Variants in ST6GALNAC5 observed in about 807,000 individuals in gnomAD.
ST6GALNAC5 encodes alpha-N-acetylgalactosaminide alpha-2,6-sialyltransferase 5.
ST6GALNAC5 carries 27 observed loss-of-function variants against 33.6 expected under a neutral mutation model. The observed-to-expected ratio is 0.80, with a 90% confidence interval of 0.59 to 1.11. ST6GALNAC5 has a LOEUF of 1.11. ST6GALNAC5 is among the 50% of genes least tolerant of loss of function. ST6GALNAC5 has a pLI of 0.00. For missense variants in ST6GALNAC5, 428 were observed against 454.0 expected (o/e 0.94, Z 0.52); for synonymous variants, 194 against 171.2 (o/e 1.13, Z -1.04).
intron 2 of ST6GALNAC5, among the ~76,000 whole-genome samples, chr1:76,892,732 C>T (rs1301882425): frequency 6.6e-6 from 1 of 152,210 alleles, no homozygotes; most frequent in Non-Finnish European, 1.5e-5. Flanking sequence ...AATCAACTTT[C>T]CTATATCTGG....
At chr1:76,980,394 G>T (rs897726159) in intron 2 of ST6GALNAC5, among the ~76,000 whole-genome samples, 1 of 152,118 alleles carries the variant, frequency 6.6e-6, no homozygotes, top group African/African-American at 2.4e-5. Context: ...CTTAAAATTT[G>T]TTGAAGTTTT....
chr1:76,975,280 T>C (rs1416836515), intron 2 of ST6GALNAC5, among the ~76,000 whole-genome samples: 1 of 152,218 alleles, frequency 6.6e-6, no homozygotes, highest in Non-Finnish European at 1.5e-5. Flanking sequence ...TGAGTGTTTA[T>C]AAAGAATGGA....
chr1:76,978,041 A>G (rs1298348141), intron 2 of ST6GALNAC5, among the ~76,000 whole-genome samples: 1 of 152,130 alleles, frequency 6.6e-6, no homozygotes, highest in African/African-American at 2.4e-5. Flanking sequence ...GTAATAGCTC[A>G]TAGTAGTTTT....
intron 2 of ST6GALNAC5, among the ~76,000 whole-genome samples, chr1:76,891,849 T>G (rs2100249915): frequency 6.6e-6 from 1 of 152,286 alleles, no homozygotes; most frequent in South Asian, 2.1e-4. Flanking sequence ...TTTCCCCTAT[T>G]CAATTGTCTT....
At chr1:76,962,515 T>C (rs1324347258) in intron 2 of ST6GALNAC5, among the ~76,000 whole-genome samples, 2 of 152,204 alleles carry the variant, frequency 1.3e-5, no homozygotes, top group Non-Finnish European at 2.9e-5. Context: ...AAAGTGCAGA[T>C]TTGGAAAATT....
Position 76,974,871 on chromosome 1 carries a change from C to T in ST6GALNAC5, c.262-69333C>T, listed in dbSNP as rs769637946. On this transcript the variant is annotated intron_variant, in intron 2 of 4. Transcript: ENST00000477717. Reference sequence around the variant, plus strand: ...GATCTCAGCTCACTGCAGCAACTTCCGCCTCCCGGGTTCAAGTTATTCTCC... The same window carrying T: ...GATCTCAGCTCACTGCAGCAACTTCTGCCTCCCGGGTTCAAGTTATTCTCC... Among the ~76,000 whole-genome samples, 8 of 135,964 alleles carry T rather than the reference C, an allele frequency of 5.9e-5. No homozygotes were observed. The East Asian group carries it at 7.0e-4, about 12-fold the overall frequency. 89.2% of individuals were successfully genotyped at this position (135,964 alleles called of 152,430 possible).
chr1:76,900,282 C>A (rs553485658), intron 2 of ST6GALNAC5, among the ~76,000 whole-genome samples: 102 of 152,114 alleles, frequency 6.7e-4, no homozygotes, highest in African/African-American at 2.1e-3. Context: ...ATTTTCACTT[C>A]TTTTGTGGTG....
chr1:76,897,439 G>A (rs1646755319), intron 2 of ST6GALNAC5, among the ~76,000 whole-genome samples: 1 of 152,146 alleles, frequency 6.6e-6, no homozygotes, highest in Non-Finnish European at 1.5e-5. Context: ...GAGTTTATAG[G>A]CTTTAAAAGG....
At chr1:77,053,041 C>A (rs940567181) in intron 4 of ST6GALNAC5, among the ~76,000 whole-genome samples, 1 of 151,908 alleles carries the variant, frequency 6.6e-6, no homozygotes, top group East Asian at 1.9e-4. Context: ...AAGCCACTTA[C>A]CATGTGACTA....
At chr1:76,893,613 T>C (rs1016505724) in intron 2 of ST6GALNAC5, among the ~76,000 whole-genome samples, 2 of 152,172 alleles carry the variant, frequency 1.3e-5, no homozygotes, top group African/African-American at 2.4e-5. Flanking sequence ...TCAGGAAATA[T>C]TAGCCATCAA....
At position 76,887,492 on chromosome 1, in the gene ST6GALNAC5, T is replaced by C. The variant is rs916941390; in HGVS notation, c.261+18750T>C. 3.3e-5 allele frequency among the ~76,000 whole-genome samples: 5 copies of C among 152,318 alleles called. No homozygotes were observed. The South Asian group carries it at 6.2e-4, about 19-fold the overall frequency. On this transcript the variant is annotated intron_variant, in intron 2 of 4. Coordinates refer to ENST00000477717, the MANE Select transcript of ST6GALNAC5 (RefSeq NM_030965.3). ...TCTTTTTTCATCCTATAATTTTCAG[T>C]CTTTCTGTGTACTTATATTTCATAT...
intron 2 of ST6GALNAC5, among the ~76,000 whole-genome samples, chr1:76,976,427 A>G (rs1649014401): frequency 6.6e-6 from 1 of 152,150 alleles, no homozygotes; most frequent in Non-Finnish European, 1.5e-5. Context: ...TATGTTGATT[A>G]TATAAAAAGA....
intron 2 of ST6GALNAC5, among the ~76,000 whole-genome samples, chr1:76,881,095 C>A (rs1653768267): frequency 6.6e-6 from 1 of 152,112 alleles, no homozygotes; most frequent in African/African-American, 2.4e-5. Context: ...TGTGTAGGGT[C>A]TTAAGTATAG....
intron 2 of ST6GALNAC5, among the ~76,000 whole-genome samples, chr1:76,879,417 CA>C (rs1474379293): frequency 1.1e-4 from 17 of 152,182 alleles, no homozygotes; most frequent in Admixed American, 6.5e-5. Context: ...ACCATTGTCC[CA>C]TACCCTTAAT....
At chr1:76,872,068 AACACACACACACACACACACACACAC>A (rs66721550) in intron 2 of ST6GALNAC5, among the ~76,000 whole-genome samples, 5 of 130,222 alleles carry the variant, frequency 3.8e-5, no homozygotes, top group Non-Finnish European at 8.2e-5. Context: ...TAACCAAGCT[AACACACACACACACACACACACACAC>A]ACACACACAC....
intron 4 of ST6GALNAC5, among the ~76,000 whole-genome samples, chr1:77,061,428 C>G (rs1210746022): frequency 6.6e-6 from 1 of 152,176 alleles, no homozygotes; most frequent in Non-Finnish European, 1.5e-5. Flanking sequence ...TTGATCTCCT[C>G]TGAAGAAAAC....
At chr1:76,954,326 T>C (rs969395511) in intron 2 of ST6GALNAC5, among the ~76,000 whole-genome samples, 5 of 151,952 alleles carry the variant, frequency 3.3e-5, no homozygotes, top group African/African-American at 1.2e-4. Flanking sequence ...GGAGCTGAAT[T>C]ATAAGAACAC....
intron 2 of ST6GALNAC5, among the ~76,000 whole-genome samples, chr1:77,005,053 A>T (rs921566182): frequency 7.9e-5 from 12 of 151,616 alleles, no homozygotes; most frequent in Admixed American, 3.9e-4. Flanking sequence ...TTGTTTACCT[A>T]ATCAAGCCTG....
chr1:76,910,644 C>T (rs1646902357), intron 2 of ST6GALNAC5, among the ~76,000 whole-genome samples: 1 of 151,892 alleles, frequency 6.6e-6, no homozygotes, highest in African/African-American at 2.4e-5. Flanking sequence ...TCTAATGATA[C>T]CTTTTCTGTA....
Sources: allele counts gnomAD v4.1 joint callset (sites outside exome capture counted in the v4.1 genomes callset), GRCh38; gene constraint gnomAD v4.1.1; transcripts MANE v1.5; gene names NCBI Gene and HGNC (gene_info 2026-07-23, HGNC 2026-07-21).